Variants in GRXCR2 observed in about 807,000 individuals in gnomAD.
The protein encoded by GRXCR2 is glutaredoxin domain-containing cysteine-rich protein 2.
Under a neutral mutation model 24.8 loss-of-function variants are expected in GRXCR2, and 23 were observed. That is an observed-to-expected ratio of 0.93 (90% CI 0.67 to 1.32). The LOEUF is 1.32. GRXCR2 is among the 40% of genes most tolerant of loss of function. The pLI is 0.00. For missense variants in GRXCR2, 315 were observed against 303.4 expected (o/e 1.04, Z -0.28); for synonymous variants, 130 against 116.1 (o/e 1.12, Z -0.77).
Position 145,859,769 on chromosome 5 carries a change from C to A in GRXCR2, c.711G>T (p.Glu237Asp), listed in dbSNP as rs780016246. Residue 237 changes from glutamate to aspartate, a missense_variant, in exon 3 of 3, where the codon GAG (glutamate) becomes GAT (aspartate). Coordinates refer to ENST00000377976, the MANE Select transcript of GRXCR2 (RefSeq NM_001080516.2). ...AAATCTGGCAAGGCTGTAGGCCATT[C>A]TCATTGCAGGCAGGGCACCTCAGGG... ...YRALRCPACN[E>D]NGLQPCQICN... 2.5e-6 allele frequency: 4 copies of A among 1,614,230 alleles called. No homozygotes were observed. The South Asian group carries it at 4.4e-5, about 18-fold the overall frequency.
At chr5:145,868,192 G>A (rs1756467455) in intron 1 of GRXCR2, among the ~76,000 whole-genome samples, 1 of 152,040 alleles carries the variant, frequency 6.6e-6, no homozygotes, top group African/African-American at 2.4e-5. Context: ...GAGAACTGTT[G>A]CCATTGTTAT....
intron 2 of GRXCR2, among the ~76,000 whole-genome samples, chr5:145,926,586 T>C (rs1201960843): frequency 2.0e-5 from 3 of 152,192 alleles, no homozygotes; most frequent in Non-Finnish European, 4.4e-5. Flanking sequence ...CATTGGTCTA[T>C]ATCTCTGTGT....
At chr5:145,878,534 A>G (rs913440422) in intron 2 of GRXCR2, among the ~76,000 whole-genome samples, 2 of 152,172 alleles carry the variant, frequency 1.3e-5, no homozygotes, top group Non-Finnish European at 2.9e-5. Flanking sequence ...CCTCCGAGAA[A>G]TATGGGACTA....
Position 145,889,172 on chromosome 5 carries a change from AAAAGAAAGAAAGAAAGAAAG to A in GRXCR2, c.-69-22464_-69-22445del, listed in dbSNP as rs557521873. Among the ~76,000 whole-genome samples, 374 of 84,040 alleles carry A rather than the reference AAAAGAAAGAAAGAAAGAAAG, an allele frequency of 4.5e-3. 1 individual carries two copies. The highest frequency in any genetic ancestry group is 0.024 in the East Asian group (66 of 2,782). 55.1% of individuals were successfully genotyped at this position (84,040 alleles called of 152,430 possible). A position where few individuals can be genotyped will look rare whatever the true frequency, so the allele number is the denominator to read the frequency against. ...TGACAGACCGAGACTCTGTCTCAAA[AAAAGAAAGAAAGAAAGAAAG>A]AAAGAAAGAAAGAAAGAAAGAAAGA... On this transcript the variant is annotated intron_variant, in intron 2 of 3. Transcript: ENST00000639411.
chr5:145,914,099 T>C (rs1227153044), intron 2 of GRXCR2, among the ~76,000 whole-genome samples: 2 of 152,158 alleles, frequency 1.3e-5, no homozygotes, highest in Non-Finnish European at 2.9e-5. Context: ...TAAGGAGTGC[T>C]GCACAGGAGA....
intron 2 of GRXCR2, among the ~76,000 whole-genome samples, chr5:145,886,864 A>T (rs1237629409): frequency 6.6e-6 from 1 of 152,200 alleles, no homozygotes; most frequent in African/African-American, 2.4e-5. Context: ...TAGCTATTTT[A>T]GGTTCTTTTT....
Position 145,866,148 on chromosome 5 carries a change from A to AG in GRXCR2, c.564+352_564+353insC, listed in dbSNP as rs1457516744. Among the ~76,000 whole-genome samples the AG allele has an allele frequency of 3.1e-3, 460 of 148,366 alleles. 2 individuals are homozygous for AG. Among genetic ancestry groups the AG allele is most frequent in the African/African-American group, 0.011 (420 of 39,908 alleles). On this transcript the variant is annotated intron_variant, in intron 2 of 2. Coordinates refer to ENST00000377976, the MANE Select transcript of GRXCR2 (RefSeq NM_001080516.2). Reference sequence around the variant, plus strand: ...AAACTCCTTCTCAAAAAAAAAAAAAAAAAGAAAGAAAGAAAAAAGAAAATA... The same window carrying AG: ...AAACTCCTTCTCAAAAAAAAAAAAAAGAAAGAAAGAAAGAAAAAAGAAAATA...
At chr5:145,897,420 A>T (rs72816465) in intron 2 of GRXCR2, among the ~76,000 whole-genome samples, 20,445 of 152,090 alleles carry the variant, frequency 0.13, 1,783 homozygotes, top group Non-Finnish European at 0.19. Context: ...AAGGCAAAAA[A>T]CTAACAAAGA....
intron 1 of GRXCR2, among the ~76,000 whole-genome samples, chr5:145,869,770 G>A (rs1035754642): frequency 3.3e-5 from 5 of 152,124 alleles, no homozygotes; most frequent in South Asian, 2.1e-4. Context: ...TGTTAGCCAG[G>A]ATGGTCTCCA....
chr5:145,897,364 T>C (rs1280439589), intron 2 of GRXCR2, among the ~76,000 whole-genome samples: 1 of 151,834 alleles, frequency 6.6e-6, no homozygotes, highest in African/African-American at 2.4e-5. Context: ...CCACACTTAA[T>C]AGTGGAGAAC....
At chr5:145,908,691 G>A (rs1757122379) in intron 2 of GRXCR2, among the ~76,000 whole-genome samples, 1 of 152,202 alleles carries the variant, frequency 6.6e-6, no homozygotes. Context: ...GATGCTCACT[G>A]TAGGAAAAGG....
chr5:145,922,110 T>C (rs867764581), intron 2 of GRXCR2, among the ~76,000 whole-genome samples: 59 of 152,176 alleles, frequency 3.9e-4, no homozygotes, highest in African/African-American at 1.4e-3. Context: ...CATCCCAGAC[T>C]GCTTTGCCAA....
intron 2 of GRXCR2, among the ~76,000 whole-genome samples, chr5:145,915,988 C>A (rs1757232019): frequency 6.6e-6 from 1 of 152,166 alleles, no homozygotes; most frequent in Admixed American, 6.5e-5. Flanking sequence ...GCACACCCAG[C>A]TGACACAGAG....
upstream of GRXCR2, among the ~76,000 whole-genome samples, chr5:145,873,428 T>C (rs997708886): frequency 1.3e-5 from 2 of 152,222 alleles, no homozygotes; most frequent in African/African-American, 4.8e-5. Context: ...ATCCTCACGA[T>C]AACCCTACAA....
upstream of GRXCR2, among the ~76,000 whole-genome samples, chr5:145,875,995 C>T (rs1243388182): frequency 6.6e-6 from 1 of 151,540 alleles, no homozygotes; most frequent in Non-Finnish European, 1.5e-5. Context: ...GAGACTTTGT[C>T]TCTACAAAAA....
intron 2 of GRXCR2, among the ~76,000 whole-genome samples, chr5:145,889,999 G>A (rs1278795647): frequency 6.6e-6 from 1 of 152,196 alleles, no homozygotes; most frequent in Non-Finnish European, 1.5e-5. Flanking sequence ...TCAATAGACT[G>A]GACTAAGCAG....
At chr5:145,914,891 T>TTTTTACTTCC (rs1757214591) in intron 2 of GRXCR2, among the ~76,000 whole-genome samples, 1 of 152,144 alleles carries the variant, frequency 6.6e-6, no homozygotes, top group Admixed American at 6.5e-5. Flanking sequence ...ACAATGGAGC[T>TTTTTACTTCC]TTTTACTTCC....
intron 2 of GRXCR2, among the ~76,000 whole-genome samples, chr5:145,885,123 C>CTGTG (rs1756760395): frequency 9.2e-6 from 1 of 109,218 alleles, no homozygotes; most frequent in Non-Finnish European, 2.0e-5. Flanking sequence ...GTGTGTGTGT[C>CTGTG]TGTCTGTCTG....
At chr5:145,863,457 A>G (rs1756374572) in intron 2 of GRXCR2, among the ~76,000 whole-genome samples, 2 of 152,192 alleles carry the variant, frequency 1.3e-5, no homozygotes, top group Admixed American at 6.5e-5. Flanking sequence ...CTTAAAAGTA[A>G]TTGTCATATC....
Sources: gnomAD v4.1 joint callset for allele counts (sites outside exome capture counted in the v4.1 genomes callset) on GRCh38, gnomAD v4.1.1 for gene constraint, MANE v1.5 for transcripts, NCBI Gene and HGNC (gene_info 2026-07-23, HGNC 2026-07-21) for gene names.